The following CLVS1 variants were observed in gnomAD, a reference collection of about 807,000 sequenced individuals.
CLVS1 encodes the protein clavesin-1.
In CLVS1, 10 loss-of-function variants were observed where a neutral mutation model predicts 33.1. The observed-to-expected ratio is 0.30, with a 90% CI of 0.19 to 0.51. The LOEUF (loss-of-function observed/expected upper bound fraction) is 0.51, where lower values mean the gene tolerates loss of function less well. CLVS1 is among the 20% of genes least tolerant of loss of function. CLVS1 has a pLI of 0.97. For missense variants in CLVS1, 343 were observed against 433.4 expected, an observed-to-expected ratio of 0.79 and a Z score of 1.85; for synonymous variants, 163 against 166.1, an observed-to-expected ratio of 0.98 and a Z score of 0.14.
At chr8:61,107,752 T>C (rs1805563041) in intron 1 of CLVS1, among the ~76,000 whole-genome samples, 1 of 152,250 alleles carries the variant, frequency 6.6e-6, no homozygotes, top group Non-Finnish European at 1.5e-5. Context: ...TTTGCTGAAT[T>C]GAACTAAAAT....
chr8:61,409,243 C>T (rs1037695941), intron 3 of CLVS1, among the ~76,000 whole-genome samples: 8 of 152,236 alleles, frequency 5.3e-5, no homozygotes, highest in Middle Eastern at 3.4e-3. Flanking sequence ...AATGTTTCTA[C>T]TTCATTTCCA....
intron 2 of CLVS1, among the ~76,000 whole-genome samples, chr8:61,183,132 A>G (rs1419069191): frequency 7.5e-6 from 1 of 133,422 alleles, no homozygotes; most frequent in Admixed American, 7.5e-5. Flanking sequence ...AACAACACAC[A>G]CCAGGGCCTG....
At chr8:61,453,513 A>G (rs6992756) in intron 3 of CLVS1, among the ~76,000 whole-genome samples, 22,891 of 152,208 alleles carry the variant, frequency 0.15, 4,671 homozygotes, top group African/African-American at 0.47. Flanking sequence ...TTAATCAACA[A>G]GTATCTTTTC....
chr8:61,016,913 A>G, the CLVS1 span, among the ~76,000 whole-genome samples: 1 of 152,178 alleles, frequency 6.6e-6, no homozygotes, highest in African/African-American at 2.4e-5. Context: ...AAATAGCTCA[A>G]CCTCTATCAA....
chr8:61,240,499 G>A (rs1026635165), intron 2 of CLVS1, among the ~76,000 whole-genome samples: 9 of 152,172 alleles, frequency 5.9e-5, no homozygotes, highest in Admixed American at 4.6e-4. Context: ...ATTTCTATGT[G>A]AAACACGCTG....
intron 3 of CLVS1, among the ~76,000 whole-genome samples, chr8:61,379,261 T>A (rs2129601640): frequency 6.6e-6 from 1 of 152,272 alleles, no homozygotes; most frequent in South Asian, 2.1e-4. Context: ...TCCAATTTGG[T>A]GCTAGGCCAT....
At chr8:61,188,191 C>G (rs944031529) in intron 2 of CLVS1, among the ~76,000 whole-genome samples, 2 of 152,130 alleles carry the variant, frequency 1.3e-5, no homozygotes. Context: ...CTAAACCTCT[C>G]ATGGCATTGA....
In CLVS1 at chr8:61,427,023, A is replaced by G. The variant is rs143807341; in HGVS notation, c.631-27118A>G. Among the ~76,000 whole-genome samples the G allele has an allele frequency of 7.2e-5, 11 of 152,342 alleles. No homozygotes were observed. The East Asian group carries it at 1.9e-3, about 27-fold the overall frequency. ...AAAGTGCTAATTATGTAAACCAGAC[A>G]ACTCATAATCCAAATACACTTCAAG... On this transcript the variant is annotated intron_variant, in intron 3 of 5. Transcript: ENST00000325897.
chr8:61,357,495 T>TTTC (rs1812779395), intron 2 of CLVS1, among the ~76,000 whole-genome samples: 1 of 62,176 alleles, frequency 1.6e-5, no homozygotes, highest in Non-Finnish European at 2.8e-5. Flanking sequence ...TTTTCTTTTC[T>TTTC]TTTTTTTTTT....
At chr8:61,255,893 G>T (rs1179890579) in intron 2 of CLVS1, among the ~76,000 whole-genome samples, 3 of 152,140 alleles carry the variant, frequency 2.0e-5, no homozygotes, top group Non-Finnish European at 4.4e-5. Context: ...TCCTTCACAT[G>T]AATTACATAT....
chr8:61,280,891 G>A (rs963918295), intron 2 of CLVS1, among the ~76,000 whole-genome samples: 1 of 152,136 alleles, frequency 6.6e-6, no homozygotes, highest in Non-Finnish European at 1.5e-5. Context: ...GCCTCCCAAA[G>A]TGCTCAGACT....
intron 3 of CLVS1, among the ~76,000 whole-genome samples, chr8:61,381,078 A>T (rs990230574): frequency 7.2e-5 from 11 of 151,810 alleles, no homozygotes; most frequent in Admixed American, 2.0e-4. Flanking sequence ...TCTCATTTTC[A>T]TGCTCATGTC....
chr8:61,008,437 C>T, the CLVS1 span, among the ~76,000 whole-genome samples: 2 of 151,142 alleles, frequency 1.3e-5, no homozygotes, highest in South Asian at 2.1e-4. Context: ...ACTATTATTT[C>T]CTGAGACAGT....
intron 2 of CLVS1, among the ~76,000 whole-genome samples, chr8:61,140,977 G>A (rs565266600): frequency 6.6e-6 from 1 of 152,286 alleles, no homozygotes; most frequent in Admixed American, 6.5e-5. Flanking sequence ...GTTACTAAGG[G>A]AGTGGTGAGG....
intron 2 of CLVS1, among the ~76,000 whole-genome samples, chr8:61,244,075 G>C (rs1007255504): frequency 6.6e-6 from 1 of 152,040 alleles, no homozygotes; most frequent in African/African-American, 2.4e-5. Context: ...TTGTCACCCA[G>C]GGCAAACATC....
intron 2 of CLVS1, among the ~76,000 whole-genome samples, chr8:61,343,481 A>G (rs1457692435): frequency 1.3e-5 from 2 of 152,214 alleles, no homozygotes; most frequent in Admixed American, 1.3e-4. Context: ...GAGAGTTCCC[A>G]GGAATTTTCA....
chr8:61,124,460 C>CTA (rs2129290173), intron 1 of CLVS1, among the ~76,000 whole-genome samples: 1 of 152,334 alleles, frequency 6.6e-6, no homozygotes, highest in South Asian at 2.1e-4. Flanking sequence ...ACAGAGCACG[C>CTA]TATTGTTTTA....
At chr8:61,383,872 C>T (rs1004721987) in intron 3 of CLVS1, among the ~76,000 whole-genome samples, 1 of 152,202 alleles carries the variant, frequency 6.6e-6, no homozygotes, top group African/African-American at 2.4e-5. Flanking sequence ...TTACTTCCAG[C>T]CAGTCACAAA....
At chr8:61,287,851 A>T (rs1809824788), upstream of CLVS1, 1 of 337,014 alleles carries the variant, frequency 3.0e-6, no homozygotes, top group Non-Finnish European at 5.8e-6. Flanking sequence ...GATGTTAACA[A>T]AATTACAAAT....
Sources: allele counts gnomAD v4.1 joint callset (sites outside exome capture counted in the v4.1 genomes callset), GRCh38; gene constraint gnomAD v4.1.1; transcripts MANE v1.5; gene names NCBI Gene and HGNC (gene_info 2026-07-23, HGNC 2026-07-21).